The following EFCAB5 variants were observed in gnomAD, a reference collection of about 807,000 sequenced individuals.
The protein encoded by EFCAB5 is EF-hand calcium-binding domain-containing protein 5.
EFCAB5 carries 131 observed loss-of-function variants against 167.9 expected under a neutral mutation model. That is an observed-to-expected ratio of 0.78 (90% CI 0.68 to 0.90). The LOEUF is 0.90. EFCAB5 is among the 40% of genes least tolerant of loss of function. The probability of loss-of-function intolerance (pLI) is 0.00; values close to 1 mark genes in which losing one functional copy is unlikely to be tolerated. For missense variants in EFCAB5, 1,663 were observed against 1,745.2 expected, an observed-to-expected ratio of 0.95 and a Z score of 0.84; for synonymous variants, 574 against 602.8, an observed-to-expected ratio of 0.95 and a Z score of 0.70.
chr17:29,965,599 C>G (rs531954124), intron 3 of EFCAB5, among the ~76,000 whole-genome samples: 1 of 152,154 alleles, frequency 6.6e-6, no homozygotes, highest in Non-Finnish European at 1.5e-5. Context: ...AGATTCATCC[C>G]TTTGCATGTA....
intron 22 of EFCAB5, among the ~76,000 whole-genome samples, chr17:30,102,199 G>T (rs535358019): frequency 6.6e-6 from 1 of 152,148 alleles, no homozygotes; most frequent in Non-Finnish European, 1.5e-5. Flanking sequence ...GTCTATGGAA[G>T]TTGCCTTCTG....
chr17:29,996,395 T>G (rs1227844644), intron 6 of EFCAB5, 35 bp downstream of exon 6: 2 of 1,503,664 alleles, frequency 1.3e-6, no homozygotes, highest in Non-Finnish European at 1.8e-6. Context: ...TTTTTATTTT[T>G]ATTTCTTTTT....
chr17:29,940,424 T>A (rs1362589130), upstream of EFCAB5, among the ~76,000 whole-genome samples: 2 of 152,162 alleles, frequency 1.3e-5, no homozygotes, highest in African/African-American at 4.8e-5. Context: ...TTTTAAGACC[T>A]AACCTTTGCC....
intron 7 of EFCAB5, among the ~76,000 whole-genome samples, chr17:30,008,319 G>A (rs994448824): frequency 6.6e-6 from 1 of 151,838 alleles, no homozygotes; most frequent in Admixed American, 6.6e-5. Flanking sequence ...AAGGCTGGGT[G>A]AGGTGGCTCA....
upstream of EFCAB5, among the ~76,000 whole-genome samples, chr17:29,939,770 C>T (rs2067274309): frequency 6.6e-6 from 1 of 152,202 alleles, no homozygotes; most frequent in Non-Finnish European, 1.5e-5. Context: ...GGGCCTTGCT[C>T]TGGATTGGGC....
chr17:30,067,116 T>C (rs1365648578), intron 14 of EFCAB5, among the ~76,000 whole-genome samples: 1 of 152,246 alleles, frequency 6.6e-6, no homozygotes, highest in Non-Finnish European at 1.5e-5. Flanking sequence ...TCTCAAACTC[T>C]TTTAGAAAAT....
chr17:30,023,160 A>G (rs2069225397), intron 7 of EFCAB5, among the ~76,000 whole-genome samples: 1 of 152,270 alleles, frequency 6.6e-6, no homozygotes, highest in South Asian at 2.1e-4. Flanking sequence ...AGCTAGCAGA[A>G]GGCAAGAAAT....
In EFCAB5 at chr17:30,053,715, A is replaced by T. The variant is rs1389362804; in HGVS notation, c.1761A>T (p.Gly587=). Residue 587 remains glycine (G), a synonymous_variant, in exon 10 of 23, where the codon GGA becomes GGT. Coordinates refer to ENST00000394835, the MANE Select transcript of EFCAB5 (RefSeq NM_198529.4). ...ACAAAGGGTCAATAGAAGGACAAGGACCACGCAGAGTGTCAGTTTCAGAAC... is the reference window on the plus strand; with the variant it reads ...ACAAAGGGTCAATAGAAGGACAAGGTCCACGCAGAGTGTCAGTTTCAGAAC... The part of the protein sequence containing the change: ...GQHKGSIEGQ[G]PRRVSVSEQG... The T allele has an allele frequency of 1.2e-6, 2 of 1,614,002 alleles. No homozygotes were observed. Among genetic ancestry groups the T allele is most frequent in the Non-Finnish European group, 1.7e-6 (2 of 1,179,876 alleles).
intron 8 of EFCAB5, among the ~76,000 whole-genome samples, chr17:30,038,626 C>T (rs2069688027): frequency 6.6e-6 from 1 of 152,142 alleles, no homozygotes; most frequent in African/African-American, 2.4e-5. Flanking sequence ...CTATAGCTTC[C>T]ATAGATAGTG....
intron 3 of EFCAB5, 24 bp from the exon 4 acceptor site, chr17:29,968,767 C>T (rs758188277): frequency 1.4e-6 from 2 of 1,438,868 alleles, no homozygotes; most frequent in Admixed American, 3.1e-5. Flanking sequence ...ACATTTCTTA[C>T]ATTTCACTTT....
chr17:29,993,465 T>C (rs1243846889), intron 5 of EFCAB5, 144 bp downstream of exon 5: 31 of 666,692 alleles, frequency 4.6e-5, no homozygotes, highest in Non-Finnish European at 6.3e-5. Flanking sequence ...GGTCCGTGAG[T>C]GTTGATTCCT....
intron 3 of EFCAB5, among the ~76,000 whole-genome samples, chr17:29,949,257 TA>T (rs2067462116): frequency 6.6e-6 from 1 of 152,246 alleles, no homozygotes; most frequent in Non-Finnish European, 1.5e-5. Flanking sequence ...ATTATAAGGC[TA>T]GACTTTTCAA....
At chr17:30,047,142 A>C (rs2069950150) in intron 8 of EFCAB5, among the ~76,000 whole-genome samples, 1 of 152,212 alleles carries the variant, frequency 6.6e-6, no homozygotes, top group African/African-American at 2.4e-5. Context: ...TTGGTAGATT[A>C]AATAAAACCT....
intron 6 of EFCAB5, among the ~76,000 whole-genome samples, chr17:29,999,365 T>C (rs970799842): frequency 6.6e-6 from 1 of 152,144 alleles, no homozygotes; most frequent in Non-Finnish European, 1.5e-5. Context: ...GCTGGAAGGA[T>C]GATAAACTGT....
At chr17:29,930,209 C>A (rs889631003) in intron 1 of EFCAB5, 17 of 557,886 alleles carry the variant, frequency 3.0e-5, no homozygotes, top group Non-Finnish European at 4.4e-5. Flanking sequence ...GCGGGCGGTT[C>A]CGCAGCTGCG....
chr17:29,983,095 C>T (rs541088882), intron 4 of EFCAB5, among the ~76,000 whole-genome samples: 1 of 152,330 alleles, frequency 6.6e-6, no homozygotes, highest in East Asian at 1.9e-4. Context: ...GAGCTGGGCT[C>T]ATGGCCCATC....
intron 1 of EFCAB5, chr17:29,930,171 G>T (rs2067163730): frequency 1.7e-6 from 1 of 604,940 alleles, no homozygotes; most frequent in South Asian, 2.1e-5. Context: ...CCAGACTGTC[G>T]CCGACTGACG....
intron 7 of EFCAB5, among the ~76,000 whole-genome samples, chr17:30,010,243 T>C (rs1415999242): frequency 2.0e-5 from 3 of 152,222 alleles, no homozygotes; most frequent in Admixed American, 1.3e-4. Context: ...TCCTTGGTAT[T>C]GTGAATAGTG....
rs556519861 is a variant in EFCAB5 at position 30,075,715 on chromosome 17, C to A, written c.2738-2500C>A. ...GAAGGTTGCCCTTCCACATGGATACCCTCCTCGCTCTGCTCAGGCTCTGAC... is the reference window on the plus strand; with the variant it reads ...GAAGGTTGCCCTTCCACATGGATACACTCCTCGCTCTGCTCAGGCTCTGAC... On this transcript the variant is annotated intron_variant, in intron 14 of 22. Coordinates refer to ENST00000394835, the MANE Select transcript of EFCAB5 (RefSeq NM_198529.4). 1.5e-4 allele frequency among the ~76,000 whole-genome samples: 23 copies of A among 152,294 alleles called. No homozygotes were observed. In the South Asian group the frequency reaches 4.4e-3, roughly 29 times the overall value.
Sources: gnomAD v4.1 joint callset for allele counts (sites outside exome capture counted in the v4.1 genomes callset) on GRCh38, gnomAD v4.1.1 for gene constraint, MANE v1.5 for transcripts, NCBI Gene and HGNC (gene_info 2026-07-23, HGNC 2026-07-21) for gene names.